Variants in CAPN15 observed in about 807,000 individuals in gnomAD.
CAPN15 encodes calpain-15.
A neutral mutation model predicts 97.9 loss-of-function variants in CAPN15; 53 were observed. The ratio of observed to expected loss-of-function variants is 0.54; its 90% confidence interval spans 0.43 to 0.68. CAPN15 has a LOEUF of 0.68. Ranked by LOEUF, CAPN15 falls within the 30% of genes least tolerant of loss-of-function variation. CAPN15 has a pLI of 0.00. For synonymous variants in CAPN15, 922 were observed against 722.5 expected (o/e 1.28, Z -4.43); for missense variants, 1,592 against 1,589.8 (o/e 1.00, Z -0.02).
At chr16:528,667 C>G (rs759129824) in intron 1 of CAPN15, 1 of 954,210 alleles carries the variant, frequency 1.0e-6, no homozygotes, top group Non-Finnish European at 1.2e-6. Flanking sequence ...TGGCCCTGGC[C>G]GGGCGAGCTC....
In CAPN15 at chr16:549,093, G is replaced by A; in HGVS notation, c.1550G>A (p.Arg517Gln). Reference protein sequence around the residue: ...SVQQRVRQWLRPQEINCSVFR... With the variant: ...SVQQRVRQWLQPQEINCSVFR... ...CAGCAGCGTGTGAGGCAGTGGCTGC[G>A]ACCCCAGGAGATCAACTGCTCCGTC... is the stretch of plus-strand genomic sequence containing the variant. The change falls in exon 5 of 14, where the codon CGA (arginine) becomes CAA (glutamine). Residue 517 changes from arginine to glutamine, a missense_variant. By Grantham distance (43) the Arg-to-Gln change is conservative. Around this residue, in one of 3 missense-constraint regions of CAPN15, gnomAD observed 883 missense variants for 776.6 expected, o/e 1.14. Coordinates refer to ENST00000219611, the MANE Select transcript of CAPN15 (RefSeq NM_005632.3). 2 of 1,612,524 alleles carry A rather than the reference G, an allele frequency of 1.2e-6. No homozygotes were observed. Among genetic ancestry groups the A allele is most frequent in the Non-Finnish European group, 1.7e-6 (2 of 1,179,942 alleles).
chr16:542,298 AG>A (rs1382658050), intron 3 of CAPN15, among the ~76,000 whole-genome samples: 2 of 152,050 alleles, frequency 1.3e-5, no homozygotes, highest in East Asian at 3.9e-4. Context: ...ATAGATACCT[AG>A]GAGTGGGATT....
intron 7 of CAPN15, among the ~76,000 whole-genome samples, chr16:550,940 GT>G (rs1463231981): frequency 2.5e-5 from 3 of 121,358 alleles, no homozygotes; most frequent in Non-Finnish European, 3.2e-5. Context: ...TTCGGTGAGG[GT>G]CCCCTGTCTG....
chr16:536,648 A>G (rs1596325590), intron 3 of CAPN15, among the ~76,000 whole-genome samples: 1 of 149,478 alleles, frequency 6.7e-6, no homozygotes, highest in Admixed American at 6.6e-5. Context: ...CTAGTCTTGA[A>G]CTCCTGACCT....
At chr16:542,477 G>C (rs1334305073) in intron 3 of CAPN15, among the ~76,000 whole-genome samples, 2 of 152,168 alleles carry the variant, frequency 1.3e-5, no homozygotes, top group Admixed American at 1.3e-4. Flanking sequence ...GCCGTCCCAG[G>C]GGGTGGGAGC....
chr16:531,326 A>T (rs1433652717), intron 1 of CAPN15, among the ~76,000 whole-genome samples: 2 of 152,062 alleles, frequency 1.3e-5, no homozygotes, highest in South Asian at 2.1e-4. Context: ...AGCCTCCCAA[A>T]TACTGGGACT....
Position 535,714 on chromosome 16 carries a change from G to A in CAPN15, c.-136-315G>A, listed in dbSNP as rs1012183263. Among the ~76,000 whole-genome samples the A allele has an allele frequency of 3.9e-5, 6 of 152,120 alleles. No homozygotes were observed. The highest frequency in any genetic ancestry group is 1.3e-4 in the Admixed American group (2 of 15,280). The stretch of plus-strand genomic sequence containing the variant: ...TGGCTCTGTGGCAGTCATGAGTCAC[G>A]GCCACTCTTGAGGCGCCGCCCTGAG... On this transcript the variant is annotated intron_variant, in intron 2 of 13. Coordinates refer to ENST00000219611, the MANE Select transcript of CAPN15 (RefSeq NM_005632.3). The surrounding 1 kb of genome is among the most constrained non-coding windows in gnomAD (Gnocchi z 6.2).
chr16:542,512 C>T (rs552637545), intron 3 of CAPN15, among the ~76,000 whole-genome samples: 9 of 152,252 alleles, frequency 5.9e-5, no homozygotes, highest in South Asian at 2.1e-4. Context: ...CTTTGATCTG[C>T]GTTTCCCTGG....
Position 546,823 on chromosome 16 carries a change from CCACT to C in CAPN15, c.-14_-11del. On this transcript the variant is annotated 5_prime_UTR_variant, in exon 4 of 14. Coordinates refer to ENST00000219611, the MANE Select transcript of CAPN15 (RefSeq NM_005632.3). ...TGAGCACCTTCCCTTGCAGCCACACCCACTCGCCCGGGTCTATGGCCACGGTCGG... is the reference window on the plus strand; with the variant it reads ...TGAGCACCTTCCCTTGCAGCCACACCCGCCCGGGTCTATGGCCACGGTCGG... 6.3e-7 allele frequency: 1 copy of C among 1,585,088 alleles called. No individual in the cohort carries two copies. Among genetic ancestry groups the C allele is most frequent in the Non-Finnish European group, 8.6e-7 (1 of 1,162,920 alleles).
intron 1 of CAPN15, among the ~76,000 whole-genome samples, chr16:532,239 CAAAA>C (rs1228158788): frequency 2.4e-5 from 2 of 83,476 alleles, no homozygotes; most frequent in African/African-American, 4.7e-5. Flanking sequence ...TACTCCGTCT[CAAAA>C]AAAAAAAAAA....
chr16:549,235 T>C (rs765099901), intron 5 of CAPN15, 34 bp downstream of exon 5: 6 of 53,194 alleles, frequency 1.1e-4, no homozygotes, highest in Admixed American at 4.1e-4. Context: ...GTGGGGCGGG[T>C]GGGCGGGCGA....
intron 1 of CAPN15, among the ~76,000 whole-genome samples, chr16:531,456 T>C (rs1202229082): frequency 6.6e-6 from 1 of 151,946 alleles, no homozygotes; most frequent in African/African-American, 2.4e-5. Context: ...CACCTCCCTG[T>C]CCCCTGTAAT....
At position 554,452 on chromosome 16, in the gene CAPN15, C is replaced by A. The variant is rs896285075; in HGVS notation, c.*936C>A. 1.6e-5 allele frequency: 7 copies of A among 450,442 alleles called. No homozygotes were observed. Among genetic ancestry groups the A allele is most frequent in the Non-Finnish European group, 4.5e-6 (1 of 223,982 alleles). The allele number at this position is 450,442 out of a possible 1,614,324, so 27.9% of individuals were successfully genotyped here. On this transcript the variant is annotated 3_prime_UTR_variant, in exon 14 of 14. Coordinates refer to ENST00000219611, the MANE Select transcript of CAPN15 (RefSeq NM_005632.3). ...GGGCCTTTTCACCTGGAGAAACATT[C>A]CCACTCCCCTTTGGCCTCCCTGTAC...
chr16:550,146 C>A (rs1448543267), intron 7 of CAPN15, among the ~76,000 whole-genome samples: 1 of 152,174 alleles, frequency 6.6e-6, no homozygotes, highest in East Asian at 1.9e-4. Context: ...GAGACTGATG[C>A]CGTCATCCGC....
At chr16:534,234 G>GGCGGCCC (rs1555440868) in intron 2 of CAPN15, among the ~76,000 whole-genome samples, 14 of 146,316 alleles carry the variant, frequency 9.6e-5, no homozygotes, top group Non-Finnish European at 1.6e-4. Context: ...GTCCCGACAG[G>GGCGGCCC]GGTGTTTGTC....
At chr16:541,035 G>T (rs1224074349) in intron 3 of CAPN15, among the ~76,000 whole-genome samples, 2 of 152,240 alleles carry the variant, frequency 1.3e-5, no homozygotes, top group Non-Finnish European at 1.5e-5. Context: ...TCTCACAGCG[G>T]GTCCAGGCCT....
chr16:544,718 TCGCCTCCCCCACGTCGCCTCCCCCA>T (rs1567146020), intron 3 of CAPN15, among the ~76,000 whole-genome samples: 11 of 66,324 alleles, frequency 1.7e-4, no homozygotes, highest in African/African-American at 2.9e-4. Context: ...CTCCCCCACG[TCGCCTCCCCCACGTCGCCTCCCCCA>T]CGTCGTCGCC....
chr16:549,126 A>C lies in CAPN15; in HGVS notation c.1583A>C (p.Asp528Ala). The C allele has an allele frequency of 6.2e-7, 1 of 1,611,770 alleles. No homozygotes were observed. The highest frequency in any genetic ancestry group is 8.5e-7 in the Non-Finnish European group (1 of 1,179,826). ...GAGATCAACTGCTCCGTCTTCAGGG[A>C]CCACAGGGCCACGTGGTCTGTGTTC... ...PQEINCSVFR[D>A]HRATWSVFHT... Residue 528 changes from aspartate to alanine, a missense_variant, in exon 5 of 14, where the codon GAC becomes GCC. By Grantham distance (126) the Asp-to-Ala change is moderately radical. Coordinates refer to ENST00000219611, the MANE Select transcript of CAPN15 (RefSeq NM_005632.3).
At position 552,632 on chromosome 16, in the gene CAPN15, G is replaced by A; in HGVS notation, c.2765G>A (p.Arg922Lys). 6.5e-7 allele frequency: 1 copy of A among 1,537,536 alleles called. No individual in the cohort carries two copies. The highest frequency in any genetic ancestry group is 8.7e-7 in the Non-Finnish European group (1 of 1,143,282). The change falls in exon 12 of 14, where the codon AGA becomes AAA. Residue 922 changes from arginine (R) to lysine (K), a missense_variant. Coordinates refer to ENST00000219611, the MANE Select transcript of CAPN15 (RefSeq NM_005632.3). This position sits in a 1 kb window ranked among gnomAD's most constrained non-coding sequence, Gnocchi z 6.4. ...TCCAGCCCCTCGGCAGGGGTCCCGAGAGCCTCCCCAGAGCCGCCGGGCCAC... is the reference window on the plus strand; with the variant it reads ...TCCAGCCCCTCGGCAGGGGTCCCGAAAGCCTCCCCAGAGCCGCCGGGCCAC... ...QASSPSAGVP[R>K]ASPEPPGHVL...
Sources: allele counts gnomAD v4.1 joint callset (sites outside exome capture counted in the v4.1 genomes callset), GRCh38; gene constraint gnomAD v4.1.1; regional missense constraint gnomAD v4.1.1; non-coding constraint Gnocchi (gnomAD v3.1); transcripts MANE v1.5; gene names NCBI Gene and HGNC (gene_info 2026-07-23, HGNC 2026-07-21).